The following RARB variants were observed in gnomAD, a reference collection of about 807,000 sequenced individuals.
RARB encodes the protein retinoic acid receptor beta, also known as HBV-activated protein.
In RARB, 17 loss-of-function variants were observed where a neutral mutation model predicts 51.9. That is an observed-to-expected ratio of 0.33 (90% CI 0.22 to 0.49). The LOEUF (loss-of-function observed/expected upper bound fraction) is 0.49. Among genes scored for constraint, RARB ranks in the 20% least tolerant of loss-of-function variants. The pLI is 0.99. For synonymous variants in RARB, 215 were observed against 195.4 expected (o/e 1.10, Z -0.84); for missense variants, 369 against 550.8 (o/e 0.67, Z 3.30).
intron 1 of RARB, among the ~76,000 whole-genome samples, chr3:25,451,460 C>A (rs1357391132): frequency 1.3e-5 from 2 of 152,186 alleles, no homozygotes; most frequent in East Asian, 3.9e-4. Flanking sequence ...AGAAAACCCA[C>A]ACAGTGAGGA....
At chr3:25,443,066 C>T (rs1708769439) in intron 1 of RARB, among the ~76,000 whole-genome samples, 1 of 152,108 alleles carries the variant, frequency 6.6e-6, no homozygotes, top group Non-Finnish European at 1.5e-5. Flanking sequence ...TTACGTGTGT[C>T]CTCTGCTCAT....
At chr3:25,233,016 C>T (rs1702218410) in intron 5 of RARB, among the ~76,000 whole-genome samples, 2 of 132,240 alleles carry the variant, frequency 1.5e-5, no homozygotes, top group South Asian at 4.7e-4. Flanking sequence ...TGCTGTGTTG[C>T]CCAGGCTGGA....
At chr3:25,308,505 GTGGCGTGGTCT>G (rs1240016283) in intron 5 of RARB, among the ~76,000 whole-genome samples, 1 of 146,634 alleles carries the variant, frequency 6.8e-6, no homozygotes, top group Non-Finnish European at 1.5e-5. Flanking sequence ...CTGGAGTGCA[GTGGCGTGGTCT>G]TGGCTTACTG....
chr3:25,461,047 C>G (rs752645299), intron 1 of RARB, 146 bp from the exon 2 acceptor site: 6 of 904,360 alleles, frequency 6.6e-6, no homozygotes, highest in Middle Eastern at 3.5e-4. Flanking sequence ...ACTGCTGGGC[C>G]TACAATGACA....
chr3:25,029,213 A>G lies in RARB; in HGVS notation c.-379-30912A>G, dbSNP rs545220997. Among the ~76,000 whole-genome samples, 7 of 152,298 alleles carry G rather than the reference A, an allele frequency of 4.6e-5. No homozygotes were observed. In the South Asian group the frequency reaches 1.0e-3, roughly 23 times the overall value. ...TTCCAAAGTGGGAAACTGTCTTGGA[A>G]AAGACTTCACACTCAAACTGAGACT... On this transcript the variant is annotated intron_variant, in intron 2 of 11. Transcript: ENST00000383772.
intron 1 of RARB, among the ~76,000 whole-genome samples, chr3:25,443,623 A>T (rs552811716): frequency 0.035 from 742 of 20,932 alleles, 5 homozygotes; most frequent in African/African-American, 0.094. Context: ...AAATATATAT[A>T]AAAAAAAAAA....
At chr3:24,878,177 A>G (rs1703083301) in intron 2 of RARB, among the ~76,000 whole-genome samples, 1 of 150,448 alleles carries the variant, frequency 6.6e-6, no homozygotes, top group Admixed American at 6.6e-5. Flanking sequence ...TTTGTCCTCA[A>G]GTCTCTTTTG....
At chr3:25,313,630 G>A (rs982375136) in intron 5 of RARB, among the ~76,000 whole-genome samples, 3 of 152,148 alleles carry the variant, frequency 2.0e-5, no homozygotes, top group African/African-American at 7.2e-5. Flanking sequence ...TGTTGCTTTA[G>A]GTAACTGTAA....
At chr3:24,962,445 G>C (rs1696161533) in intron 2 of RARB, among the ~76,000 whole-genome samples, 1 of 152,140 alleles carries the variant, frequency 6.6e-6, no homozygotes, top group Non-Finnish European at 1.5e-5. Flanking sequence ...AATATTTTCT[G>C]AGAGCAAAAC....
intron 2 of RARB, among the ~76,000 whole-genome samples, chr3:25,014,830 C>T (rs1697474650): frequency 6.6e-6 from 1 of 151,836 alleles, no homozygotes; most frequent in Admixed American, 6.6e-5. Context: ...GATAGTATCA[C>T]AGGAATAATT....
chr3:24,917,003 C>T (rs987338613), intron 2 of RARB, among the ~76,000 whole-genome samples: 1 of 152,138 alleles, frequency 6.6e-6, no homozygotes, highest in Non-Finnish European at 1.5e-5. Context: ...TGTGAATTTG[C>T]ACAGATATAA....
intron 2 of RARB, among the ~76,000 whole-genome samples, chr3:24,999,788 C>T (rs1697119985): frequency 6.6e-6 from 1 of 152,166 alleles, no homozygotes; most frequent in South Asian, 2.1e-4. Flanking sequence ...CCCACTCCCT[C>T]ACTCTATATC....
At chr3:25,351,322 T>C (rs904540864) in intron 5 of RARB, among the ~76,000 whole-genome samples, 4 of 152,144 alleles carry the variant, frequency 2.6e-5, no homozygotes, top group African/African-American at 9.7e-5. Context: ...TTTTTTTCTA[T>C]AGCATCCCTT....
At chr3:25,552,711 G>A (rs2125669788) in intron 3 of RARB, among the ~76,000 whole-genome samples, 1 of 150,046 alleles carries the variant, frequency 6.7e-6, no homozygotes, top group African/African-American at 2.5e-5. Flanking sequence ...ATGAACCAAG[G>A]GTATGATAAA....
chr3:24,859,751 A>G (rs1344975376), intron 2 of RARB, among the ~76,000 whole-genome samples: 1 of 152,236 alleles, frequency 6.6e-6, no homozygotes, highest in Non-Finnish European at 1.5e-5. Context: ...TAGACAGTAA[A>G]TATTTTAGGC....
chr3:25,127,691 G>A (rs1404477054), intron 3 of RARB, among the ~76,000 whole-genome samples: 2 of 152,040 alleles, frequency 1.3e-5, no homozygotes, highest in African/African-American at 4.8e-5. Context: ...AGCGAAGGAG[G>A]GAGGGAGGAA....
At chr3:25,302,238 C>G (rs1476490621) in intron 5 of RARB, among the ~76,000 whole-genome samples, 1 of 152,082 alleles carries the variant, frequency 6.6e-6, no homozygotes, top group African/African-American at 2.4e-5. Context: ...AAAGGTTAAA[C>G]AAAGATTAAG....
intron 2 of RARB, among the ~76,000 whole-genome samples, chr3:24,913,567 A>G (rs147320826): frequency 1.3e-5 from 2 of 152,270 alleles, no homozygotes; most frequent in Non-Finnish European, 2.9e-5. Flanking sequence ...CTATCAGGAA[A>G]TATTGTTACA....
intron 2 of RARB, among the ~76,000 whole-genome samples, chr3:25,010,656 G>T (rs75836438): frequency 6.6e-6 from 1 of 152,200 alleles, no homozygotes; most frequent in East Asian, 1.9e-4. Flanking sequence ...CAGTACCCCT[G>T]TGAGAGGGAT....
Sources: gnomAD v4.1 joint callset for allele counts (sites outside exome capture counted in the v4.1 genomes callset) on GRCh38, gnomAD v4.1.1 for gene constraint, MANE v1.5 for transcripts, NCBI Gene and HGNC (gene_info 2026-07-23, HGNC 2026-07-21) for gene names.